FARS2: variants seen among roughly 807,000 people sequenced by gnomAD.
FARS2 encodes the protein phenylalanyl-tRNA synthetase 2, mitochondrial.
Under a neutral mutation model 46.4 loss-of-function variants are expected in FARS2, and 40 were observed. The ratio of observed to expected loss-of-function variants is 0.86; its 90% CI spans 0.67 to 1.12. FARS2 has a LOEUF of 1.12. Ranked by LOEUF, FARS2 falls within the 50% of genes most tolerant of loss-of-function variation. FARS2 has a pLI of 0.00. For missense variants in FARS2, 513 were observed against 567.9 expected, an observed-to-expected ratio of 0.90 and a Z score of 0.98; for synonymous variants, 234 against 214.9, an observed-to-expected ratio of 1.09 and a Z score of -0.78.
chr6:5,568,111 C>G (rs1399230648), intron 5 of FARS2, among the ~76,000 whole-genome samples: 1 of 152,194 alleles, frequency 6.6e-6, no homozygotes, highest in Non-Finnish European at 1.5e-5. Flanking sequence ...CTGCTTCTGT[C>G]TGGTCTGTCT....
intron 4 of FARS2, among the ~76,000 whole-genome samples, chr6:5,463,805 G>T (rs1279562587): frequency 6.6e-6 from 1 of 152,078 alleles, no homozygotes; most frequent in Non-Finnish European, 1.5e-5. Context: ...TCCCTTAACA[G>T]CATGTTTCAA....
At chr6:5,286,041 G>T (rs1444827997) in intron 1 of FARS2, among the ~76,000 whole-genome samples, 1 of 141,746 alleles carries the variant, frequency 7.1e-6, no homozygotes, top group Non-Finnish European at 1.5e-5. Flanking sequence ...CCCTTCTTAT[G>T]TCTCTTTCTC....
chr6:5,305,629 C>T (rs1322303167), intron 1 of FARS2, among the ~76,000 whole-genome samples: 1 of 152,220 alleles, frequency 6.6e-6, no homozygotes, highest in African/African-American at 2.4e-5. Flanking sequence ...CAAATAGCTT[C>T]CCCACGATCA....
intron 3 of FARS2, among the ~76,000 whole-genome samples, chr6:5,416,275 T>G (rs1239619151): frequency 6.6e-6 from 1 of 152,248 alleles, no homozygotes; most frequent in African/African-American, 2.4e-5. Flanking sequence ...GTTTTCAGTT[T>G]TATATTTAGA....
chr6:5,262,079 A>C (rs1387479414), intron 1 of FARS2, among the ~76,000 whole-genome samples: 2 of 152,216 alleles, frequency 1.3e-5, no homozygotes, highest in Non-Finnish European at 2.9e-5. Flanking sequence ...AATCAACCTT[A>C]GGAAGAACCA....
At chr6:5,307,740 C>G (rs983927687) in intron 1 of FARS2, among the ~76,000 whole-genome samples, 1 of 151,782 alleles carries the variant, frequency 6.6e-6, no homozygotes. Context: ...GTTTTATGAA[C>G]TAATTCATCT....
chr6:5,344,891 A>G (rs1581838040), intron 1 of FARS2, among the ~76,000 whole-genome samples: 2 of 151,708 alleles, frequency 1.3e-5, no homozygotes, highest in East Asian at 3.9e-4. Context: ...CTGGGTTCAA[A>G]CAATTCTCCT....
intron 4 of FARS2, among the ~76,000 whole-genome samples, chr6:5,503,016 A>G (rs998922679): frequency 9.2e-5 from 14 of 152,128 alleles, no homozygotes; most frequent in Admixed American, 2.0e-4. Flanking sequence ...AAAAAGCTCA[A>G]TGTTTATGAT....
intron 1 of FARS2, among the ~76,000 whole-genome samples, chr6:5,290,722 T>A (rs952850834): frequency 6.6e-6 from 1 of 152,188 alleles, no homozygotes; most frequent in African/African-American, 2.4e-5. Context: ...TGTGTTAATC[T>A]TTGGTTTGTT....
chr6:5,310,696 A>G (rs1403627160), intron 1 of FARS2, among the ~76,000 whole-genome samples: 1 of 152,228 alleles, frequency 6.6e-6, no homozygotes. Context: ...CCGTTTGGCA[A>G]ACAATCAAAC....
chr6:5,588,878 C>T (rs1440947433), intron 5 of FARS2, among the ~76,000 whole-genome samples: 3 of 152,230 alleles, frequency 2.0e-5, no homozygotes, highest in African/African-American at 7.2e-5. Flanking sequence ...TGTCTTTCTA[C>T]ACCTTTGTCT....
chr6:5,542,582 A>G (rs1770702188), intron 4 of FARS2, among the ~76,000 whole-genome samples: 1 of 152,200 alleles, frequency 6.6e-6, no homozygotes, highest in Non-Finnish European at 1.5e-5. Flanking sequence ...ACTAGATGTC[A>G]GGATGCTCCC....
At chr6:5,274,606 A>G (rs116343858) in intron 1 of FARS2, among the ~76,000 whole-genome samples, 3,061 of 152,314 alleles carry the variant, frequency 0.02, 90 homozygotes, top group African/African-American at 0.07. Context: ...CTGAGCCATG[A>G]AATGAACCCT....
chr6:5,531,069 G>A (rs777993906), intron 4 of FARS2, among the ~76,000 whole-genome samples: 2 of 152,098 alleles, frequency 1.3e-5, no homozygotes, highest in Non-Finnish European at 2.9e-5. Context: ...GATAGCATCT[G>A]ATGTGGGAAG....
intron 4 of FARS2, among the ~76,000 whole-genome samples, chr6:5,530,068 T>C (rs1769725219): frequency 1.3e-5 from 2 of 152,216 alleles, no homozygotes; most frequent in African/African-American, 4.8e-5. Context: ...GTTGTTGTTT[T>C]AAACCACTAA....
intron 5 of FARS2, among the ~76,000 whole-genome samples, chr6:5,604,147 A>T (rs966169500): frequency 2.0e-5 from 3 of 152,154 alleles, no homozygotes; most frequent in Non-Finnish European, 2.9e-5. Flanking sequence ...GACACAGATG[A>T]GCTGCGGTTC....
intron 2 of FARS2, among the ~76,000 whole-genome samples, chr6:5,374,523 T>G (rs1759257128): frequency 6.6e-6 from 1 of 152,078 alleles, no homozygotes; most frequent in African/African-American, 2.4e-5. Context: ...TTACACAAGT[T>G]TTTACCAAAT....
chr6:5,395,452 T>C (rs539152730), intron 2 of FARS2, among the ~76,000 whole-genome samples: 9 of 152,218 alleles, frequency 5.9e-5, no homozygotes, highest in Non-Finnish European at 1.3e-4. Context: ...ATAAAAGATA[T>C]TCTTTGGAAC....
chr6:5,368,343 A>C (rs1349505018), intron 1 of FARS2, among the ~76,000 whole-genome samples: 2 of 152,232 alleles, frequency 1.3e-5, no homozygotes, highest in Non-Finnish European at 2.9e-5. Flanking sequence ...TAGGGATATA[A>C]AAGTGACTTC....
Sources: allele counts gnomAD v4.1 joint callset (sites outside exome capture counted in the v4.1 genomes callset), GRCh38; gene constraint gnomAD v4.1.1; transcripts MANE v1.5; gene names NCBI Gene and HGNC (gene_info 2026-07-23, HGNC 2026-07-21).